The following CDH2 variants were observed in gnomAD, a reference collection of about 807,000 sequenced individuals.
CDH2 encodes cadherin 2.
A neutral mutation model predicts 92.0 loss-of-function variants in CDH2; 17 were observed. That is an observed-to-expected ratio of 0.18 (90% confidence interval 0.13 to 0.28). CDH2 has a LOEUF of 0.28. CDH2 is among the 10% of genes least tolerant of loss of function. The probability of loss-of-function intolerance (pLI) is 1.00; values close to 1 mark genes in which losing one functional copy is unlikely to be tolerated. For synonymous variants in CDH2, 419 were observed against 415.9 expected (o/e 1.01, Z -0.09); for missense variants, 862 against 1,133.1 (o/e 0.76, Z 3.44).
intron 2 of CDH2, among the ~76,000 whole-genome samples, chr18:28,025,966 A>G (rs1334476219): frequency 6.6e-6 from 1 of 152,202 alleles, no homozygotes; most frequent in African/African-American, 2.4e-5. Flanking sequence ...GATCATTATT[A>G]TATTACCTAA....
chr18:28,066,022 T>G (rs561508835), intron 2 of CDH2, among the ~76,000 whole-genome samples: 2 of 152,304 alleles, frequency 1.3e-5, no homozygotes, highest in South Asian at 2.1e-4. Context: ...CTGGCTGCAT[T>G]CTGTCATTCT....
In CDH2 at chr18:28,124,136, G is replaced by C. The variant is rs375699159; in HGVS notation, c.172+23537C>G. 2.6e-4 allele frequency among the ~76,000 whole-genome samples: 39 copies of C among 151,672 alleles called. No homozygotes were observed. The East Asian group carries it at 4.8e-3, about 19-fold the overall frequency. On this transcript the variant is annotated intron_variant, in intron 2 of 15. Coordinates refer to ENST00000269141, the MANE Select transcript of CDH2 (RefSeq NM_001792.5). Reference sequence around the variant, plus strand: ...TGCCTGTAGTGATTTTTTTTTTAAGGCTACACAGCAGTTTCTTCCCCACCC... The same window carrying C: ...TGCCTGTAGTGATTTTTTTTTTAAGCCTACACAGCAGTTTCTTCCCCACCC...
At chr18:27,954,381 C>CA (rs1284956134) in intron 15 of CDH2, 1 of 152,190 alleles carries the variant, frequency 6.6e-6, no homozygotes, top group African/African-American at 2.4e-5. Context: ...GTTTACTTTC[C>CA]CAACCACACT....
chr18:28,074,036 C>T lies in CDH2; in HGVS notation c.173-60127G>A, dbSNP rs17494346. Among the ~76,000 whole-genome samples, 1,420 of 152,238 alleles carry T rather than the reference C, an allele frequency of 9.3e-3. 31 individuals carry two copies. The highest frequency in any genetic ancestry group is 0.033 in the African/African-American group (1,358 of 41,542). On this transcript the variant is annotated intron_variant, in intron 2 of 15. Coordinates refer to ENST00000269141, the MANE Select transcript of CDH2 (RefSeq NM_001792.5). Reference sequence around the variant, plus strand: ...TTGCCCAAAAAATTCTGAGAGACTACAAATTCTCTGCAAGAATTTTTAAAA... The same window carrying T: ...TTGCCCAAAAAATTCTGAGAGACTATAAATTCTCTGCAAGAATTTTTAAAA...
chr18:28,009,915 G>A (rs376229836), intron 4 of CDH2, 43 bp from the exon 5 acceptor site: 3 of 1,524,736 alleles, frequency 2.0e-6, no homozygotes, highest in Admixed American at 3.6e-5. Flanking sequence ...GAGACTAAAT[G>A]AGCTCATTAT....
intron 2 of CDH2, among the ~76,000 whole-genome samples, chr18:28,083,810 G>C (rs1355884094): frequency 1.3e-5 from 2 of 152,172 alleles, no homozygotes; most frequent in African/African-American, 2.4e-5. Context: ...GTTAGCCCCA[G>C]GCCAGGGCTG....
intron 7 of CDH2, among the ~76,000 whole-genome samples, chr18:27,996,468 C>G (rs981583655): frequency 5.3e-5 from 8 of 152,184 alleles, no homozygotes; most frequent in Non-Finnish European, 1.2e-4. Context: ...CCATTCCCTT[C>G]ATTCCAAGCC....
chr18:28,155,271 G>GT lies in CDH2; in HGVS notation c.61-7488dup, dbSNP rs1555647259. Among the ~76,000 whole-genome samples the GT allele has an allele frequency of 9.4e-3, 1,420 of 151,744 alleles. 29 individuals carry two copies. Among genetic ancestry groups the GT allele is most frequent in the African/African-American group, 0.032 (1,332 of 41,418 alleles). ...CATCTGTGCTTCAGCTTCCTCCTCTGTAATAATAATAATAATAGCTAAAGT... is the reference window on the plus strand; with the variant it reads ...CATCTGTGCTTCAGCTTCCTCCTCTGTTAATAATAATAATAATAGCTAAAGT... On this transcript the variant is annotated intron_variant, in intron 1 of 15. Transcript: ENST00000269141.
intron 14 of CDH2, among the ~76,000 whole-genome samples, chr18:27,969,622 C>T (rs2011608771): frequency 6.6e-6 from 1 of 152,196 alleles, no homozygotes; most frequent in African/African-American, 2.4e-5. Flanking sequence ...TAAGAGGGGT[C>T]TCTCTTGGGA....
intron 2 of CDH2, among the ~76,000 whole-genome samples, chr18:28,092,353 AATG>A (rs76337089): frequency 0.011 from 1,630 of 152,242 alleles, 21 homozygotes; most frequent in South Asian, 0.034. Context: ...TTACTAAAGA[AATG>A]ATTACCTTCA....
At chr18:27,969,817 G>GACC (rs1353132334) in intron 14 of CDH2, among the ~76,000 whole-genome samples, 1 of 152,120 alleles carries the variant, frequency 6.6e-6, no homozygotes, top group Non-Finnish European at 1.5e-5. Flanking sequence ...AGGAGTTGGA[G>GACC]ACCAGCTGGC....
chr18:28,172,231 C>T (rs558520016), intron 1 of CDH2, among the ~76,000 whole-genome samples: 1 of 152,120 alleles, frequency 6.6e-6, no homozygotes, highest in African/African-American at 2.4e-5. Context: ...TCTAAATTTT[C>T]CTTAAAGAGA....
chr18:28,087,663 T>G (rs765668416), intron 2 of CDH2, among the ~76,000 whole-genome samples: 7 of 152,112 alleles, frequency 4.6e-5, no homozygotes, highest in Non-Finnish European at 7.3e-5. Flanking sequence ...ATTGTTATAT[T>G]AAAAATACTG....
At chr18:28,047,868 CAAAAAAA>C (rs149752979) in intron 2 of CDH2, among the ~76,000 whole-genome samples, 1 of 46,950 alleles carries the variant, frequency 2.1e-5, no homozygotes, top group Non-Finnish European at 3.8e-5. Context: ...GACTCCATCT[CAAAAAAA>C]AAAAAAAAAA....
At chr18:28,040,707 T>C (rs182870057) in intron 2 of CDH2, among the ~76,000 whole-genome samples, 1 of 152,300 alleles carries the variant, frequency 6.6e-6, no homozygotes, top group African/African-American at 2.4e-5. Flanking sequence ...ATAGCAAATA[T>C]TGCCCTACTA....
At chr18:28,154,836 G>C (rs1450014993) in intron 1 of CDH2, among the ~76,000 whole-genome samples, 1 of 152,030 alleles carries the variant, frequency 6.6e-6, no homozygotes, top group Non-Finnish European at 1.5e-5. Flanking sequence ...TATGATTATT[G>C]GCTAAAAATT....
At chr18:28,090,183 G>C (rs2015010187) in intron 2 of CDH2, among the ~76,000 whole-genome samples, 1 of 152,174 alleles carries the variant, frequency 6.6e-6, no homozygotes, top group South Asian at 2.1e-4. Flanking sequence ...CCACATATTA[G>C]TAATTGTTCT....
At chr18:28,105,613 A>G (rs2015308111) in intron 2 of CDH2, among the ~76,000 whole-genome samples, 1 of 152,196 alleles carries the variant, frequency 6.6e-6, no homozygotes, top group Non-Finnish European at 1.5e-5. Flanking sequence ...CTAGAAGGAA[A>G]GTTCAAACTG....
At chr18:27,941,894 A>T (rs1717572630) in intron 6 of CDH2, among the ~76,000 whole-genome samples, 1 of 152,194 alleles carries the variant, frequency 6.6e-6, no homozygotes. Flanking sequence ...ATGTACTTGG[A>T]TATTCTTCCA....
Sources: gnomAD v4.1 joint callset for allele counts (sites outside exome capture counted in the v4.1 genomes callset) on GRCh38, gnomAD v4.1.1 for gene constraint, MANE v1.5 for transcripts, NCBI Gene and HGNC (gene_info 2026-07-23, HGNC 2026-07-21) for gene names.